SVEP1: variants seen among roughly 807,000 people sequenced by gnomAD.
The protein encoded by SVEP1 is sushi, von Willebrand factor type A, EGF and pentraxin domain containing 1, also known as sushi, von Willebrand factor type A, EGF and pentraxin domain-containing protein 1.
In SVEP1, 164 loss-of-function variants were observed where a neutral mutation model predicts 367.3. The ratio of observed to expected loss-of-function variants is 0.45; its 90% confidence interval spans 0.39 to 0.51. SVEP1 has a LOEUF of 0.51. SVEP1 is among the 20% of genes least tolerant of loss of function. The pLI, the probability that SVEP1 is intolerant of heterozygous loss-of-function variation, is 0.00. For missense variants in SVEP1, 4,117 were observed against 4,425.3 expected (o/e 0.93, Z 1.98); for synonymous variants, 1,666 against 1,611.6 (o/e 1.03, Z -0.81).
chr9:110,565,286 A>C (rs1046352497), intron 1 of SVEP1, among the ~76,000 whole-genome samples: 1 of 152,242 alleles, frequency 6.6e-6, no homozygotes. Context: ...ATATACATTT[A>C]CAAACTTAAG....
chr9:110,523,393 T>G (rs542678943), intron 3 of SVEP1, among the ~76,000 whole-genome samples: 2 of 152,154 alleles, frequency 1.3e-5, no homozygotes, highest in South Asian at 4.2e-4. Context: ...AATCATAAAA[T>G]TCTAAAAAAC....
At chr9:110,435,435 A>G (rs1828418626) in intron 28 of SVEP1, 71 bp from the exon 29 acceptor site, 1 of 1,539,208 alleles carries the variant, frequency 6.5e-7, no homozygotes. Context: ...ACATTAATTT[A>G]GTCCTATTGA....
chr9:110,382,934 G>A (rs1275955179), intron 43 of SVEP1, among the ~76,000 whole-genome samples: 1 of 152,094 alleles, frequency 6.6e-6, no homozygotes, highest in East Asian at 1.9e-4. Flanking sequence ...TTCTAAACTG[G>A]TTATTCTGGT....
chr9:110,463,697 AAAAG>A (rs372748912), intron 18 of SVEP1, among the ~76,000 whole-genome samples: 2 of 152,004 alleles, frequency 1.3e-5, no homozygotes, highest in Non-Finnish European at 2.9e-5. Context: ...AGGTGAAAGA[AAAAG>A]AAAGGCAAAA....
intron 10 of SVEP1, 138 bp from the exon 11 acceptor site, chr9:110,482,630 G>A (rs1410468059): frequency 9.7e-5 from 94 of 970,292 alleles, no homozygotes; most frequent in Non-Finnish European, 1.3e-4. Context: ...AGGCTCAAGC[G>A]ATTCTCCTGC....
At chr9:110,401,752 T>C (rs372946767) in intron 39 of SVEP1, among the ~76,000 whole-genome samples, 8 of 151,996 alleles carry the variant, frequency 5.3e-5, no homozygotes, top group Admixed American at 2.0e-4. Context: ...ACCTACACTA[T>C]TGAAAAATTA....
At chr9:110,492,695 A>C (rs1829387065) in intron 8 of SVEP1, among the ~76,000 whole-genome samples, 1 of 151,992 alleles carries the variant, frequency 6.6e-6, no homozygotes, top group African/African-American at 2.4e-5. Flanking sequence ...GGGGCAAGGA[A>C]TGGGGAGGAA....
At chr9:110,532,540 G>A (rs1394220859) in intron 3 of SVEP1, among the ~76,000 whole-genome samples, 1 of 152,148 alleles carries the variant, frequency 6.6e-6, no homozygotes, top group Non-Finnish European at 1.5e-5. Context: ...GGGGTATCTG[G>A]AGCATAAGAT....
chr9:110,560,713 G>A (rs1369971616), intron 1 of SVEP1, among the ~76,000 whole-genome samples: 1 of 152,112 alleles, frequency 6.6e-6, no homozygotes, highest in African/African-American at 2.4e-5. Context: ...TATCTTTCAA[G>A]TCTGAAATCT....
chr9:110,546,154 T>C lies in SVEP1; in HGVS notation c.925A>G (p.Lys309Glu), dbSNP rs758751174. The C allele has an allele frequency of 1.7e-5, 26 of 1,553,626 alleles. No homozygotes were observed. In the South Asian group the frequency reaches 2.6e-4, roughly 16 times the overall value. Residue 309 changes from lysine (K) to glutamate (E), a missense_variant, in exon 3 of 48, where the codon AAG becomes GAG. Physicochemically the swap from Lys to Glu is moderately conservative, Grantham distance 56. Transcript: ENST00000374469. Reference sequence around the variant, plus strand: ...TGCAGACCTTTCCCGTAATACCCCTTTTCACAGATGCACTCAAAATGGCCT... The same window carrying C: ...TGCAGACCTTTCCCGTAATACCCCTCTTCACAGATGCACTCAAAATGGCCT... Reference protein sequence around the residue: ...HTGHFECICEKGYYGKGLQYE... With the variant: ...HTGHFECICEEGYYGKGLQYE...
intron 8 of SVEP1, among the ~76,000 whole-genome samples, chr9:110,494,792 C>CTTT (rs58175581): frequency 6.6e-6 from 1 of 150,940 alleles, no homozygotes; most frequent in Non-Finnish European, 1.5e-5. Context: ...CCTTCTCTGT[C>CTTT]TTTTTTTTTT....
chr9:110,486,617 T>C (rs956454906), intron 9 of SVEP1, among the ~76,000 whole-genome samples: 1 of 150,966 alleles, frequency 6.6e-6, no homozygotes, highest in Non-Finnish European at 1.5e-5. Context: ...CTGCTTCATC[T>C]TCCTTCTCCT....
At chr9:110,565,882 C>T (rs376010517) in intron 1 of SVEP1, among the ~76,000 whole-genome samples, 1 of 151,998 alleles carries the variant, frequency 6.6e-6, no homozygotes, top group African/African-American at 2.4e-5. Flanking sequence ...GGTAGTTCTG[C>T]ATGGTGGTTA....
At position 110,438,113 on chromosome 9, in the gene SVEP1, T is replaced by C. The variant is rs188597728; in HGVS notation, c.4640-1609A>G. Among the ~76,000 whole-genome samples, 74 of 152,028 alleles carry C rather than the reference T, an allele frequency of 4.9e-4. No homozygotes were observed. The South Asian group carries it at 9.3e-3, about 19-fold the overall frequency. On this transcript the variant is annotated intron_variant, in intron 27 of 47. Coordinates refer to ENST00000374469, the MANE Select transcript of SVEP1 (RefSeq NM_153366.4). ...CATACTATACAGAATGTTTGAATAT[T>C]GTTGAAGGTGTTGTGAGACCATCTT...
intron 8 of SVEP1, among the ~76,000 whole-genome samples, chr9:110,494,984 G>A (rs1829424831): frequency 6.6e-6 from 1 of 151,910 alleles, no homozygotes; most frequent in Non-Finnish European, 1.5e-5. Context: ...ATATTTCTCT[G>A]GTCTGTTCAC....
intron 14 of SVEP1, among the ~76,000 whole-genome samples, chr9:110,474,844 T>C (rs1158494064): frequency 6.6e-6 from 1 of 152,108 alleles, no homozygotes; most frequent in Non-Finnish European, 1.5e-5. Flanking sequence ...TGGGATAATA[T>C]TCAAACTGTA....
In SVEP1 at chr9:110,379,109, A is replaced by G. The variant is rs140492541; in HGVS notation, c.10408+238T>C. On this transcript the variant is annotated intron_variant, in intron 44 of 47. Transcript: ENST00000374469. ...AGTGTAAGTTTTAGAAGGATATAAT[A>G]CTAGGGTGCCTCATTACCTCTTTCT... Among the ~76,000 whole-genome samples the G allele has an allele frequency of 4.6e-3, 706 of 152,330 alleles. 3 individuals are homozygous for G. The highest frequency in any genetic ancestry group is 0.016 in the African/African-American group (670 of 41,578).
chr9:110,383,125 A>G (rs2118956804), intron 43 of SVEP1, among the ~76,000 whole-genome samples: 1 of 152,262 alleles, frequency 6.6e-6, no homozygotes, highest in Non-Finnish European at 1.5e-5. Context: ...AATCATTTGG[A>G]TGAGAAGAGG....
chr9:110,442,810 G>C (rs1424148654), intron 27 of SVEP1: 3 of 152,080 alleles, frequency 2.0e-5, no homozygotes, highest in African/African-American at 7.2e-5. Context: ...GGCTTCGCAA[G>C]GGTCATCTCA....
Sources: gnomAD v4.1 joint callset for allele counts (sites outside exome capture counted in the v4.1 genomes callset) on GRCh38, gnomAD v4.1.1 for gene constraint, MANE v1.5 for transcripts, NCBI Gene and HGNC (gene_info 2026-07-23, HGNC 2026-07-21) for gene names.